KLHDC10: variants seen among roughly 807,000 people sequenced by gnomAD.
KLHDC10 encodes the protein kelch domain containing 10.
A neutral mutation model predicts 56.1 loss-of-function variants in KLHDC10; 24 were observed. That is an observed-to-expected ratio of 0.43 (90% confidence interval 0.31 to 0.60). The LOEUF (loss-of-function observed/expected upper bound fraction) is 0.60, where lower values mean the gene tolerates loss of function less well. KLHDC10 is among the 20% of genes least tolerant of loss of function. The pLI is 0.11. For missense variants in KLHDC10, 349 were observed against 567.0 expected, an observed-to-expected ratio of 0.62 and a Z score of 3.91; for synonymous variants, 188 against 207.1, an observed-to-expected ratio of 0.91 and a Z score of 0.79.
At chr7:130,080,180 C>T (rs1383690682) in intron 1 of KLHDC10, among the ~76,000 whole-genome samples, 1 of 152,000 alleles carries the variant, frequency 6.6e-6, no homozygotes, top group Non-Finnish European at 1.5e-5. Context: ...GGCCTCCAGT[C>T]ATCCTCTCAC....
At chr7:130,117,460 C>G (rs138156182) in intron 3 of KLHDC10, 5 of 157,434 alleles carry the variant, frequency 3.2e-5, no homozygotes, top group African/African-American at 1.2e-4. Context: ...CAAACCCTGC[C>G]ACTGCTTAAT....
intron 2 of KLHDC10, among the ~76,000 whole-genome samples, chr7:130,115,790 TTTC>T (rs967657629): frequency 1.3e-4 from 20 of 152,146 alleles, no homozygotes; most frequent in African/African-American, 4.8e-4. Context: ...AGGAATAGCT[TTTC>T]TTAGTAAAGC....
At chr7:130,074,190 A>G (rs533563361) in intron 1 of KLHDC10, among the ~76,000 whole-genome samples, 1 of 152,216 alleles carries the variant, frequency 6.6e-6, no homozygotes, top group East Asian at 1.9e-4. Context: ...CCCCAGGTCC[A>G]TTGCACAAGC....
At chr7:130,073,219 A>T (rs1795446258) in intron 1 of KLHDC10, among the ~76,000 whole-genome samples, 1 of 151,834 alleles carries the variant, frequency 6.6e-6, no homozygotes, top group Non-Finnish European at 1.5e-5. Context: ...AAAATTAAAA[A>T]ACAACAACAA....
chr7:130,128,194 A>T (rs1255394867), intron 8 of KLHDC10, among the ~76,000 whole-genome samples: 1 of 152,238 alleles, frequency 6.6e-6, no homozygotes, highest in Non-Finnish European at 1.5e-5. Flanking sequence ...AGATAATGAC[A>T]TTGCTCACAT....
chr7:130,121,691 C>T (rs569451210), intron 4 of KLHDC10, among the ~76,000 whole-genome samples: 1 of 152,328 alleles, frequency 6.6e-6, no homozygotes, highest in Non-Finnish European at 1.5e-5. Context: ...GGCTTATTTT[C>T]ATATCTGCTG....
chr7:130,111,872 TAACCTGACACCAATTTATACCCA>T (rs1167280595), intron 2 of KLHDC10, among the ~76,000 whole-genome samples: 1 of 152,154 alleles, frequency 6.6e-6, no homozygotes, highest in Non-Finnish European at 1.5e-5. Context: ...AAATGCAGAT[TAACCTGACACCAATTTATACCCA>T]TCAGATTGGC....
intron 2 of KLHDC10, among the ~76,000 whole-genome samples, chr7:130,110,661 A>G (rs992751278): frequency 6.6e-6 from 1 of 152,206 alleles, no homozygotes; most frequent in Non-Finnish European, 1.5e-5. Flanking sequence ...TCTAGGTCCA[A>G]CAGAAGACCT....
At position 130,116,521 on chromosome 7, in the gene KLHDC10, T is replaced by C; in HGVS notation, c.330T>C (p.Tyr110=). 2 of 1,614,178 alleles carry C rather than the reference T, an allele frequency of 1.2e-6. No homozygotes were observed. The highest frequency in any genetic ancestry group is 1.7e-6 in the Non-Finnish European group (2 of 1,180,026). ...DNTNLYVFGG[Y]NPDYDESGGP... is the part of the protein sequence containing the mutation. Reference sequence around the variant, plus strand: ...CCAACCTATATGTGTTTGGAGGTTATAACCCAGATTATGATGAATCGGGAG... The same window carrying C: ...CCAACCTATATGTGTTTGGAGGTTACAACCCAGATTATGATGAATCGGGAG... The change falls in exon 3 of 10, where the codon TAT becomes TAC. Residue 110 remains tyrosine, a synonymous_variant. Coordinates refer to ENST00000335420, the MANE Select transcript of KLHDC10 (RefSeq NM_014997.4). The surrounding 1 kb of genome is among the most constrained non-coding windows in gnomAD (Gnocchi z 4.8).
At chr7:130,128,887 AAAATATAT>A (rs1301586220) in intron 8 of KLHDC10, among the ~76,000 whole-genome samples, 6 of 68,282 alleles carry the variant, frequency 8.8e-5, no homozygotes, top group African/African-American at 4.1e-4. Context: ...AAAAAAAAAA[AAAATATAT>A]ATATATATAT....
At chr7:130,127,553 G>C in intron 8 of KLHDC10, 102 bp downstream of exon 8, 1 of 793,488 alleles carries the variant, frequency 1.3e-6, no homozygotes, top group South Asian at 1.6e-5. Context: ...TCATAACTTT[G>C]AGAAAAGTCT....
chr7:130,101,562 A>C (rs113291199), intron 2 of KLHDC10, among the ~76,000 whole-genome samples: 2,224 of 152,280 alleles, frequency 0.015, 48 homozygotes, highest in African/African-American at 0.05. Flanking sequence ...CTCCCTTCAC[A>C]TAAAGCACCC....
chr7:130,100,323 G>A (rs185780887), intron 2 of KLHDC10, among the ~76,000 whole-genome samples: 125 of 152,164 alleles, frequency 8.2e-4, no homozygotes, highest in Middle Eastern at 3.4e-3. Flanking sequence ...GGCACCCTCC[G>A]TGTACCTACC....
At position 130,120,612 on chromosome 7, in the gene KLHDC10, G is replaced by C; in HGVS notation, c.476-137G>C. ...TCAGATTTGGCACGCTCAGCTACTA[G>C]TTAGATGTCAGTGGTTTGAGCTATC... On this transcript the variant is annotated intron_variant, in intron 3 of 9. Coordinates refer to ENST00000335420, the MANE Select transcript of KLHDC10 (RefSeq NM_014997.4). The surrounding 1 kb of genome is among the most constrained non-coding windows in gnomAD (Gnocchi z 5.1). 1.2e-6 allele frequency: 1 copy of C among 848,736 alleles called. No homozygotes were observed. Among genetic ancestry groups the C allele is most frequent in the Admixed American group, 2.8e-5 (1 of 36,362 alleles). The allele number at this position is 848,736 out of a possible 1,614,324, so 52.6% of individuals were successfully genotyped here.
intron 4 of KLHDC10, among the ~76,000 whole-genome samples, chr7:130,121,172 C>T (rs1306698862): frequency 2.0e-5 from 3 of 151,438 alleles, no homozygotes; most frequent in African/African-American, 7.3e-5. Flanking sequence ...TATGGAAGTT[C>T]CTTTAAATGT....
In KLHDC10 at chr7:130,089,192, C is replaced by CA. The variant is rs1202943325; in HGVS notation, c.167-7721dup. Among the ~76,000 whole-genome samples, 12 of 151,740 alleles carry CA rather than the reference C, an allele frequency of 7.9e-5. No homozygotes were observed. In the South Asian group the frequency reaches 8.4e-4, roughly 11 times the overall value. ...CCTTGTCCGAAACTTCTTAGAATCACAAAAAAAATTGAAAAAGACTGCTGG... is the reference window on the plus strand; with the variant it reads ...CCTTGTCCGAAACTTCTTAGAATCACAAAAAAAAATTGAAAAAGACTGCTGG... On this transcript the variant is annotated intron_variant, in intron 1 of 9. Coordinates refer to ENST00000335420, the MANE Select transcript of KLHDC10 (RefSeq NM_014997.4).
intron 2 of KLHDC10, among the ~76,000 whole-genome samples, chr7:130,105,775 A>C (rs1323557133): frequency 6.6e-6 from 1 of 152,192 alleles, no homozygotes; most frequent in Non-Finnish European, 1.5e-5. Context: ...ATATGTTCCT[A>C]TTTTAATAAT....
chr7:130,105,940 A>G (rs557884421), intron 2 of KLHDC10, among the ~76,000 whole-genome samples: 1 of 152,236 alleles, frequency 6.6e-6, no homozygotes, highest in South Asian at 2.1e-4. Flanking sequence ...ACCTGAGTTC[A>G]GGAGTTTGAG....
Position 130,117,940 on chromosome 7 carries a change from G to A in KLHDC10, c.475+1274G>A, listed in dbSNP as rs373309178. Among the ~76,000 whole-genome samples, 30 of 151,490 alleles carry A rather than the reference G, an allele frequency of 2.0e-4. No individual in the cohort carries two copies. In the East Asian group the frequency reaches 3.9e-3, roughly 20 times the overall value. ...AGCACTTTGGGAGGCTGAGGCGGGCGGATCATGAGGTCAGGAGTTTGAGAC... is the reference window on the plus strand; with the variant it reads ...AGCACTTTGGGAGGCTGAGGCGGGCAGATCATGAGGTCAGGAGTTTGAGAC... On this transcript the variant is annotated intron_variant, in intron 3 of 9. Coordinates refer to ENST00000335420, the MANE Select transcript of KLHDC10 (RefSeq NM_014997.4).
Sources: allele counts gnomAD v4.1 joint callset (sites outside exome capture counted in the v4.1 genomes callset), GRCh38; gene constraint gnomAD v4.1.1; non-coding constraint Gnocchi (gnomAD v3.1); transcripts MANE v1.5; gene names NCBI Gene and HGNC (gene_info 2026-07-23, HGNC 2026-07-21).